Variants in MACROD2 observed in about 807,000 individuals in gnomAD.
MACROD2 encodes the protein mono-ADP ribosylhydrolase 2.
Under a neutral mutation model 70.4 loss-of-function variants are expected in MACROD2, and 36 were observed. The observed-to-expected ratio is 0.51, with a 90% CI of 0.39 to 0.68. MACROD2 has a LOEUF of 0.68. Ranked by LOEUF, MACROD2 falls within the 30% of genes least tolerant of loss-of-function variation. The probability of loss-of-function intolerance (pLI) is 0.00; values close to 1 mark genes in which losing one functional copy is unlikely to be tolerated. For synonymous variants in MACROD2, 172 were observed against 178.8 expected (o/e 0.96, Z 0.30); for missense variants, 496 against 538.4 (o/e 0.92, Z 0.78).
intron 11 of MACROD2, among the ~76,000 whole-genome samples, chr20:15,934,326 A>T (rs1203640517): frequency 1.3e-5 from 2 of 152,212 alleles, no homozygotes; most frequent in African/African-American, 4.8e-5. Context: ...GGAAGCTTTT[A>T]TTATTAACCT....
intron 4 of MACROD2, among the ~76,000 whole-genome samples, chr20:14,599,181 A>C (rs977596426): frequency 6.6e-6 from 1 of 152,170 alleles, no homozygotes; most frequent in Non-Finnish European, 1.5e-5. Flanking sequence ...ATTTTTAAAA[A>C]ACTGTAGAAG....
intron 15 of MACROD2, among the ~76,000 whole-genome samples, chr20:16,040,735 A>AAAC (rs368911705): frequency 3.9e-5 from 6 of 151,996 alleles, no homozygotes; most frequent in Admixed American, 6.6e-5. Context: ...TTTAAAAAAC[A>AAAC]AACAACAACA....
At chr20:15,588,142 T>G (rs1052372983) in intron 8 of MACROD2, among the ~76,000 whole-genome samples, 6 of 152,202 alleles carry the variant, frequency 3.9e-5, no homozygotes, top group Admixed American at 3.3e-4. Flanking sequence ...TTGACTTCTG[T>G]GCACCCGCAG....
chr20:16,052,798 GA>G lies in MACROD2; in HGVS notation c.*2927del, dbSNP rs1352614064. On this transcript the variant is annotated 3_prime_UTR_variant, in exon 18 of 18. Coordinates refer to ENST00000684519, the MANE Select transcript of MACROD2 (RefSeq NM_001351661.2). ...ATGTGGCGCATGTCGGCTTTGCTTT[GA>G]AAAATAACAAAGTTAGCAGAATATG... 1.3e-5 allele frequency: 2 copies of G among 152,490 alleles called. No homozygotes were observed. Among genetic ancestry groups the G allele is most frequent in the Non-Finnish European group, 2.9e-5 (2 of 68,006 alleles). 9.4% of individuals were successfully genotyped at this position (152,490 alleles called of 1,614,324 possible). A position where few individuals can be genotyped will look rare whatever the true frequency, so the allele number is the denominator to read the frequency against.
At position 14,397,416 on chromosome 20, in the gene MACROD2, A is replaced by G. The variant is rs77014491; in HGVS notation, c.272-96063A>G. On this transcript the variant is annotated intron_variant, in intron 3 of 17. Transcript: ENST00000684519. ...TGGTTGCTTATAGTGTGCACATTTAACTTATCCCAGTCTACTGTTCAAAAA... is the reference window on the plus strand; with the variant it reads ...TGGTTGCTTATAGTGTGCACATTTAGCTTATCCCAGTCTACTGTTCAAAAA... Among the ~76,000 whole-genome samples, 934 of 152,312 alleles carry G rather than the reference A, an allele frequency of 6.1e-3. 15 individuals are homozygous for G. The highest frequency in any genetic ancestry group is 0.021 in the African/African-American group (874 of 41,578).
At chr20:15,758,631 C>T (rs1242936179) in intron 8 of MACROD2, among the ~76,000 whole-genome samples, 4 of 151,438 alleles carry the variant, frequency 2.6e-5, no homozygotes, top group African/African-American at 4.9e-5. Context: ...CCTCAAACTC[C>T]TTGGCTCAAG....
chr20:15,596,726 T>C (rs536371577), intron 8 of MACROD2, among the ~76,000 whole-genome samples: 31 of 152,334 alleles, frequency 2.0e-4, no homozygotes, highest in African/African-American at 7.2e-4. Context: ...AAAGAACCCA[T>C]GCCTTGCATG....
chr20:14,225,448 TGAAAA>T (rs1284682108), intron 3 of MACROD2, among the ~76,000 whole-genome samples: 4 of 152,214 alleles, frequency 2.6e-5, no homozygotes, highest in African/African-American at 7.2e-5. Context: ...TTATTCTCTT[TGAAAA>T]AGTATATTCA....
At chr20:15,131,774 A>G (rs2123278321) in intron 5 of MACROD2, among the ~76,000 whole-genome samples, 1 of 152,188 alleles carries the variant, frequency 6.6e-6, no homozygotes, top group Middle Eastern at 3.4e-3. Context: ...GTAACACATA[A>G]AGAGGCAATC....
At chr20:15,723,034 C>CCTTA (rs1163858371) in intron 8 of MACROD2, among the ~76,000 whole-genome samples, 10 of 152,136 alleles carry the variant, frequency 6.6e-5, no homozygotes, top group Admixed American at 6.6e-4. Flanking sequence ...CTGTTTCAGT[C>CCTTA]CTTACATCAA....
intron 2 of MACROD2, among the ~76,000 whole-genome samples, chr20:14,061,058 T>C (rs1318038078): frequency 6.6e-6 from 1 of 152,170 alleles, no homozygotes; most frequent in East Asian, 1.9e-4. Flanking sequence ...ACTGATTGTT[T>C]TACTAATCAT....
At chr20:14,096,412 G>T (rs1000614000) in intron 3 of MACROD2, among the ~76,000 whole-genome samples, 1 of 144,486 alleles carries the variant, frequency 6.9e-6, no homozygotes, top group Non-Finnish European at 1.5e-5. Flanking sequence ...TGTCACCCAG[G>T]TTGGAGTGCA....
At chr20:14,585,558 G>T (rs560972419) in intron 4 of MACROD2, among the ~76,000 whole-genome samples, 2 of 151,970 alleles carry the variant, frequency 1.3e-5, no homozygotes, top group South Asian at 4.1e-4. Flanking sequence ...TATATTATAT[G>T]TATTTTGGCT....
chr20:14,038,378 T>C (rs1188033781), intron 2 of MACROD2, among the ~76,000 whole-genome samples: 2 of 152,218 alleles, frequency 1.3e-5, no homozygotes, highest in Non-Finnish European at 2.9e-5. Flanking sequence ...TATTGACTTA[T>C]TTAATGACTA....
At chr20:16,014,708 C>A (rs539099777) in intron 15 of MACROD2, among the ~76,000 whole-genome samples, 1 of 152,302 alleles carries the variant, frequency 6.6e-6, no homozygotes, top group South Asian at 2.1e-4. Context: ...TTTCAATACA[C>A]CTGACCTTCC....
intron 2 of MACROD2, among the ~76,000 whole-genome samples, chr20:14,007,911 A>G (rs2052844936): frequency 6.6e-6 from 1 of 152,182 alleles, no homozygotes. Flanking sequence ...GAAAAATAAA[A>G]TAATAATGAG....
In MACROD2 at chr20:15,803,451, T is replaced by C. The variant is rs771630185; in HGVS notation, c.646-59294T>C. Among the ~76,000 whole-genome samples the C allele has an allele frequency of 1.0e-3, 159 of 152,042 alleles. 1 individual carries two copies. Among genetic ancestry groups the C allele is most frequent in the Non-Finnish European group, 1.9e-3 (129 of 68,004 alleles). On this transcript the variant is annotated intron_variant, in intron 8 of 17. Transcript: ENST00000684519. ...AAATATATTTCAAATAAAAAGTGCC[T>C]GATGATGAAAGGGTGGGACACTATT...
chr20:14,952,624 A>C (rs1600865117), intron 5 of MACROD2, among the ~76,000 whole-genome samples: 1 of 152,114 alleles, frequency 6.6e-6, no homozygotes, highest in East Asian at 1.9e-4. Flanking sequence ...TTTCTTGCTT[A>C]CTTTTATAAT....
intron 3 of MACROD2, among the ~76,000 whole-genome samples, chr20:14,313,031 C>T (rs2122523712): frequency 6.6e-6 from 1 of 152,322 alleles, no homozygotes; most frequent in South Asian, 2.1e-4. Context: ...AAAATGTCTA[C>T]ATTTAACATC....
Sources: allele counts gnomAD v4.1 joint callset (sites outside exome capture counted in the v4.1 genomes callset), GRCh38; gene constraint gnomAD v4.1.1; transcripts MANE v1.5; gene names NCBI Gene and HGNC (gene_info 2026-07-23, HGNC 2026-07-21).